The following APP variants were observed in gnomAD, a reference collection of about 807,000 sequenced individuals.
APP encodes amyloid-beta precursor protein.
APP carries 31 observed loss-of-function variants against 101.4 expected under a neutral mutation model. The ratio of observed to expected loss-of-function variants is 0.31; its 90% confidence interval spans 0.23 to 0.41. The LOEUF is 0.41. Ranked by LOEUF, APP falls within the 10% of genes least tolerant of loss-of-function variation. The pLI is 1.00. For synonymous variants in APP, 366 were observed against 364.4 expected (o/e 1.00, Z -0.05); for missense variants, 839 against 1,003.7 (o/e 0.84, Z 2.22).
At chr21:25,891,950 C>CATT in intron 16 of APP, 82 bp from the exon 17 acceptor site, 2 of 1,377,596 alleles carry the variant, frequency 1.5e-6, no homozygotes, top group Non-Finnish European at 2.0e-6. Context: ...AGAAGAATTT[C>CATT]ATTTCTTAAA....
chr21:25,992,229 CA>C (rs1568821375), intron 8 of APP, among the ~76,000 whole-genome samples: 1 of 151,948 alleles, frequency 6.6e-6, no homozygotes, highest in African/African-American at 2.4e-5. Flanking sequence ...CTAAAAAACA[CA>C]AAAATTAGCT....
intron 12 of APP, among the ~76,000 whole-genome samples, chr21:25,955,150 T>G (rs1019368786): frequency 6.6e-6 from 1 of 152,146 alleles, no homozygotes; most frequent in African/African-American, 2.4e-5. Context: ...TATATTTAAC[T>G]CTTTCATTCA....
intron 5 of APP, among the ~76,000 whole-genome samples, chr21:26,022,338 G>A (rs1215664540): frequency 1.3e-5 from 2 of 152,138 alleles, no homozygotes; most frequent in African/African-American, 4.8e-5. Context: ...CAGTGGTTCA[G>A]GGGGAGTGGG....
chr21:26,013,893 G>A (rs540342867), intron 6 of APP, among the ~76,000 whole-genome samples: 1 of 152,258 alleles, frequency 6.6e-6, no homozygotes, highest in Non-Finnish European at 1.5e-5. Context: ...ATCAAAGTGT[G>A]TATCAAACAC....
chr21:26,127,744 C>T (rs572425352), intron 1 of APP, among the ~76,000 whole-genome samples: 1 of 152,286 alleles, frequency 6.6e-6, no homozygotes, highest in South Asian at 2.1e-4. Flanking sequence ...CTTTATCTCT[C>T]AAATGGACAT....
chr21:26,076,460 T>C (rs1170675335), intron 3 of APP, among the ~76,000 whole-genome samples: 1 of 152,162 alleles, frequency 6.6e-6, no homozygotes, highest in Non-Finnish European at 1.5e-5. Flanking sequence ...CACATTGAGT[T>C]TGAAGTTCCT....
intron 1 of APP, among the ~76,000 whole-genome samples, chr21:26,153,360 A>C (rs2063316534): frequency 6.6e-6 from 1 of 152,232 alleles, no homozygotes; most frequent in Non-Finnish European, 1.5e-5. Flanking sequence ...TTTACTAAGA[A>C]AAACAACAGA....
At chr21:26,166,906 A>AGAGAGAGAG (rs1569055925) in intron 1 of APP, among the ~76,000 whole-genome samples, 64 of 38,156 alleles carry the variant, frequency 1.7e-3, no homozygotes, top group African/African-American at 5.7e-3. Flanking sequence ...GAGAGAGAGA[A>AGAGAGAGAG]AGAGAGAGAA....
intron 11 of APP, among the ~76,000 whole-genome samples, chr21:25,971,116 C>T (rs1278087317): frequency 2.6e-5 from 4 of 151,932 alleles, no homozygotes; most frequent in East Asian, 1.9e-4. Flanking sequence ...GGCACAATCT[C>T]GGCTCACTGC....
rs955423196 is a variant in APP, at chr21:25,887,426, C to T, written c.2211+4296G>A. 4.6e-5 allele frequency among the ~76,000 whole-genome samples: 7 copies of T among 151,224 alleles called. No homozygotes were observed. The South Asian group carries it at 1.1e-3, about 23-fold the overall frequency. On this transcript the variant is annotated intron_variant, in intron 17 of 17. Transcript: ENST00000346798. ...TGAAGCACCAATAAGGCACAGTTAC[C>T]TCCTTGGGAAAGCGTGGCCAATGGC...
intron 6 of APP, among the ~76,000 whole-genome samples, chr21:26,012,994 AAAACAAAACAAAACAAAAC>A (rs754002133): frequency 6.9e-6 from 1 of 145,124 alleles, no homozygotes; most frequent in Non-Finnish European, 1.5e-5. Flanking sequence ...AAAACAAAAC[AAAACAAAACAAAACAAAAC>A]AAACAAACAA....
At chr21:25,885,713 A>T (rs150583591) in intron 17 of APP, among the ~76,000 whole-genome samples, 3 of 152,122 alleles carry the variant, frequency 2.0e-5, no homozygotes, top group African/African-American at 7.2e-5. Context: ...GAGCCCAAAT[A>T]GCCTGACCAG....
intron 1 of APP, among the ~76,000 whole-genome samples, chr21:26,165,541 A>G (rs2063588390): frequency 6.6e-6 from 1 of 152,194 alleles, no homozygotes; most frequent in Non-Finnish European, 1.5e-5. Flanking sequence ...ATACCTGAGA[A>G]ACACTCAATG....
At chr21:25,965,881 G>A (rs757143787) in intron 11 of APP, among the ~76,000 whole-genome samples, 2 of 152,030 alleles carry the variant, frequency 1.3e-5, no homozygotes, top group Non-Finnish European at 2.9e-5. Context: ...ATTAAAATAC[G>A]TAGGTTTGCT....
intron 9 of APP, among the ~76,000 whole-genome samples, chr21:25,976,430 A>C (rs1187816909): frequency 3.3e-5 from 5 of 152,336 alleles, no homozygotes; most frequent in Non-Finnish European, 7.4e-5. Context: ...AAACCATTTT[A>C]AACTGTATAT....
intron 9 of APP, among the ~76,000 whole-genome samples, chr21:25,976,570 A>G (rs2042231852): frequency 6.6e-6 from 1 of 152,244 alleles, no homozygotes; most frequent in Non-Finnish European, 1.5e-5. Flanking sequence ...ATCCCCCTTT[A>G]AAGAACTGAT....
At chr21:25,960,038 G>A (rs1476004308) in intron 11 of APP, among the ~76,000 whole-genome samples, 1 of 152,160 alleles carries the variant, frequency 6.6e-6, no homozygotes, top group African/African-American at 2.4e-5. Flanking sequence ...AGATGAACTG[G>A]GAGGAAGAGA....
chr21:26,108,678 G>C (rs2062240362), intron 2 of APP, among the ~76,000 whole-genome samples: 1 of 152,150 alleles, frequency 6.6e-6, no homozygotes, highest in Non-Finnish European at 1.5e-5. Flanking sequence ...GCAAGGTCAG[G>C]AGTTCGAGAC....
At chr21:25,906,827 A>G (rs943165046) in intron 14 of APP, among the ~76,000 whole-genome samples, 21 of 151,870 alleles carry the variant, frequency 1.4e-4, no homozygotes, top group African/African-American at 5.1e-4. Flanking sequence ...CACATGCACG[A>G]GGGCAAACGC....
Sources: gnomAD v4.1 joint callset for allele counts (sites outside exome capture counted in the v4.1 genomes callset) on GRCh38, gnomAD v4.1.1 for gene constraint, MANE v1.5 for transcripts, NCBI Gene and HGNC (gene_info 2026-07-23, HGNC 2026-07-21) for gene names.